Variants in PCDHGA8 observed in about 807,000 individuals in gnomAD.
The protein encoded by PCDHGA8 is protocadherin gamma subfamily A, 8.
PCDHGA8 carries 45 observed loss-of-function variants against 59.2 expected under a neutral mutation model. The observed-to-expected ratio is 0.76, with a 90% CI of 0.60 to 0.98. The LOEUF (loss-of-function observed/expected upper bound fraction) is 0.98, where lower values mean the gene tolerates loss of function less well. Ranked by LOEUF, PCDHGA8 falls within the 50% of genes least tolerant of loss-of-function variation. PCDHGA8 has a pLI of 0.00. For synonymous variants in PCDHGA8, 531 were observed against 519.0 expected (o/e 1.02, Z -0.32); for missense variants, 1,257 against 1,196.2 (o/e 1.05, Z -0.75).
intron 2 of PCDHGA8, among the ~76,000 whole-genome samples, chr5:141,502,239 A>G (rs2099813426): frequency 6.6e-6 from 1 of 152,148 alleles, no homozygotes; most frequent in Admixed American, 6.5e-5. Flanking sequence ...GTGTTCTTTT[A>G]TCCTTTTTTT....
chr5:141,459,687 G>A (rs191874235), intron 1 of PCDHGA8, among the ~76,000 whole-genome samples: 15 of 152,278 alleles, frequency 9.9e-5, no homozygotes, highest in Admixed American at 2.0e-4. Context: ...TGCATAAAGC[G>A]TTCCGCTTGC....
At chr5:141,454,283 T>G (rs2098785864) in intron 1 of PCDHGA8, among the ~76,000 whole-genome samples, 1 of 152,134 alleles carries the variant, frequency 6.6e-6, no homozygotes, top group Non-Finnish European at 1.5e-5. Flanking sequence ...AACTTCACAT[T>G]AAAGGAACTC....
chr5:141,497,986 G>T (rs1404550601), intron 2 of PCDHGA8, among the ~76,000 whole-genome samples: 1 of 152,176 alleles, frequency 6.6e-6, no homozygotes, highest in Non-Finnish European at 1.5e-5. Context: ...GGAGGCCCCT[G>T]CCCTCAAGGA....
rs780541121 is a variant in PCDHGA8 at position 141,477,533 on chromosome 5, G to A, written c.2425-17274G>A. ...TTACATTGAAGAAAACAACCTCCCCGGGGCTCCAATACTAAACCTAAGTGT... is the reference window on the plus strand; with the variant it reads ...TTACATTGAAGAAAACAACCTCCCCAGGGCTCCAATACTAAACCTAAGTGT... On this transcript the variant is annotated intron_variant, in intron 1 of 3. Coordinates refer to ENST00000398604, the MANE Select transcript of PCDHGA8 (RefSeq NM_032088.2). This position sits in a 1 kb window ranked among gnomAD's most constrained non-coding sequence, Gnocchi z 4.9. The A allele has an allele frequency of 6.2e-7, 1 of 1,614,010 alleles. No individual in the cohort carries two copies. The highest frequency in any genetic ancestry group is 1.1e-5 in the South Asian group (1 of 91,066).
chr5:141,508,550 G>T (rs1440375100), intron 3 of PCDHGA8, among the ~76,000 whole-genome samples: 3 of 152,138 alleles, frequency 2.0e-5, no homozygotes, highest in Non-Finnish European at 1.5e-5. Flanking sequence ...GGTGGGCGGG[G>T]GATGGCTTTG....
At chr5:141,479,312 A>G (rs1218187495) in intron 1 of PCDHGA8, 5 of 152,526 alleles carry the variant, frequency 3.3e-5, no homozygotes, top group African/African-American at 9.6e-5. Context: ...GAAAACATAA[A>G]GTAGCCAGAC....
intron 1 of PCDHGA8, among the ~76,000 whole-genome samples, chr5:141,494,568 C>T (rs2099755322): frequency 6.6e-6 from 1 of 152,138 alleles, no homozygotes; most frequent in African/African-American, 2.4e-5. Context: ...GGAAAGGAGT[C>T]TCAGCTTGCT....
chr5:141,455,148 A>G (rs6897410), intron 1 of PCDHGA8, among the ~76,000 whole-genome samples: 9,268 of 149,002 alleles, frequency 0.062, 567 homozygotes, highest in African/African-American at 0.16. Flanking sequence ...TTAAATAAAT[A>G]TTAGTTTGTT....
At chr5:141,398,079 G>A (rs1409220171) in intron 1 of PCDHGA8, 9 of 1,596,334 alleles carry the variant, frequency 5.6e-6, no homozygotes, top group Middle Eastern at 3.8e-4. Context: ...GAGGTTATTT[G>A]TAACCTGGCG....
At chr5:141,505,238 G>A (rs1254100882) in intron 2 of PCDHGA8, 155 bp from the exon 3 acceptor site, 2 of 890,422 alleles carry the variant, frequency 2.2e-6, no homozygotes, top group South Asian at 5.2e-5. Context: ...GGCTTCTGAA[G>A]GATTGTAGAA....
At chr5:141,456,647 C>G (rs773458307) in intron 1 of PCDHGA8, among the ~76,000 whole-genome samples, 2 of 152,152 alleles carry the variant, frequency 1.3e-5, no homozygotes, top group African/African-American at 4.8e-5. Context: ...AGGTGTTAAT[C>G]CCAAAGAAGC....
At chr5:141,510,040 G>A (rs2099879305) in intron 3 of PCDHGA8, among the ~76,000 whole-genome samples, 1 of 152,220 alleles carries the variant, frequency 6.6e-6, no homozygotes, top group Non-Finnish European at 1.5e-5. Flanking sequence ...GTTATGTAGA[G>A]GTTAAAAGTG....
intron 1 of PCDHGA8, chr5:141,409,621 A>G: frequency 6.2e-7 from 1 of 1,613,852 alleles, no homozygotes; most frequent in Non-Finnish European, 8.5e-7. Context: ...CCATTGCGCA[A>G]GTGAGCGCCT....
intron 1 of PCDHGA8, among the ~76,000 whole-genome samples, chr5:141,473,185 G>A (rs1171761852): frequency 1.3e-5 from 2 of 152,188 alleles, no homozygotes; most frequent in Non-Finnish European, 2.9e-5. Flanking sequence ...ACTTGAAGGA[G>A]TAAATGTATC....
At chr5:141,419,472 G>T in intron 1 of PCDHGA8, 1 of 1,612,328 alleles carries the variant, frequency 6.2e-7, no homozygotes, top group South Asian at 1.1e-5. Flanking sequence ...CGCGACCAGG[G>T]CTCGCCCGCG....
chr5:141,414,210 T>C (rs1252033650), intron 1 of PCDHGA8: 1 of 1,612,706 alleles, frequency 6.2e-7, no homozygotes, highest in East Asian at 2.2e-5. Flanking sequence ...AAGATGTAAA[T>C]GACAACAGTC....
At position 141,490,409 on chromosome 5, in the gene PCDHGA8, C is replaced by G; in HGVS notation, c.2425-4398C>G. On this transcript the variant is annotated intron_variant, in intron 1 of 3. Transcript: ENST00000398604. The surrounding 1 kb of genome is among the most constrained non-coding windows in gnomAD (Gnocchi z 5.4). ...AATGGTGAAGTGAGCCTTGATATCT[C>G]TCCGGACCTGCCATTTCAGATTAAG... 1 of 1,614,202 alleles carries G rather than the reference C, an allele frequency of 6.2e-7. No homozygotes were observed. Among genetic ancestry groups the G allele is most frequent in the Non-Finnish European group, 8.5e-7 (1 of 1,180,038 alleles).
chr5:141,485,899 C>A lies in PCDHGA8; in HGVS notation c.2425-8908C>A, dbSNP rs775312856. 12 of 1,614,166 alleles carry A rather than the reference C, an allele frequency of 7.4e-6. No individual in the cohort carries two copies. The highest frequency in any genetic ancestry group is 8.5e-6 in the Non-Finnish European group (10 of 1,180,032). On this transcript the variant is annotated intron_variant, in intron 1 of 3. Coordinates refer to ENST00000398604, the MANE Select transcript of PCDHGA8 (RefSeq NM_032088.2). The surrounding 1 kb of genome is among the most constrained non-coding windows in gnomAD (Gnocchi z 5.7). ...ACGTAAACGACAACGCCCCAGCCTT[C>A]CAGCAATCCAGCTACAGGATTAGTG...
chr5:141,467,295 C>T (rs2099141170), intron 1 of PCDHGA8, among the ~76,000 whole-genome samples: 1 of 152,114 alleles, frequency 6.6e-6, no homozygotes, highest in South Asian at 2.1e-4. Flanking sequence ...TCAAGTGATC[C>T]ACTCACCTCG....
Sources: gnomAD v4.1 joint callset for allele counts (sites outside exome capture counted in the v4.1 genomes callset) on GRCh38, gnomAD v4.1.1 for gene constraint, Gnocchi (gnomAD v3.1) non-coding constraint, MANE v1.5 for transcripts, NCBI Gene and HGNC (gene_info 2026-07-23, HGNC 2026-07-21) for gene names.